DACH1: variants seen among roughly 807,000 people sequenced by gnomAD.
DACH1 encodes dachshund family transcription factor 1.
DACH1 carries 12 observed loss-of-function variants against 54.2 expected under a neutral mutation model. The ratio of observed to expected loss-of-function variants is 0.22; its 90% confidence interval spans 0.14 to 0.36. DACH1 has a LOEUF of 0.36. Among genes scored for constraint, DACH1 ranks in the 10% least tolerant of loss-of-function variants. The pLI is 1.00. For missense variants in DACH1, 805 were observed against 929.8 expected, an observed-to-expected ratio of 0.87 and a Z score of 1.75; for synonymous variants, 386 against 366.2, an observed-to-expected ratio of 1.05 and a Z score of -0.62.
At chr13:71,510,398 T>C (rs1880686407) in intron 6 of DACH1, among the ~76,000 whole-genome samples, 2 of 151,794 alleles carry the variant, frequency 1.3e-5, no homozygotes, top group East Asian at 1.9e-4. Context: ...ATAGATATCC[T>C]AAAAAAAATG....
At chr13:71,611,042 C>G (rs1875290873) in intron 3 of DACH1, among the ~76,000 whole-genome samples, 1 of 152,164 alleles carries the variant, frequency 6.6e-6, no homozygotes, top group Admixed American at 6.5e-5. Flanking sequence ...ATGCAATGAT[C>G]TCGTTGTGAA....
chr13:71,770,395 A>C (rs368738401), intron 1 of DACH1, among the ~76,000 whole-genome samples: 2 of 151,634 alleles, frequency 1.3e-5, no homozygotes, highest in Admixed American at 1.3e-4. Flanking sequence ...CACCTCTTTT[A>C]AAAATTATCC....
Position 71,545,133 on chromosome 13 carries a change from C to T in DACH1, c.1570+11891G>A, listed in dbSNP as rs139763446. Among the ~76,000 whole-genome samples, 6 of 152,142 alleles carry T rather than the reference C, an allele frequency of 3.9e-5. No individual in the cohort carries two copies. The East Asian group carries it at 9.7e-4, about 25-fold the overall frequency. ...ACAAACTTGCTTTTTTCAAGTACTA[C>T]AAACTGAATTTTTACCGATGAAGAA... On this transcript the variant is annotated intron_variant, in intron 6 of 10. Coordinates refer to ENST00000613252, the MANE Select transcript of DACH1 (RefSeq NM_080759.6).
chr13:71,599,447 T>C (rs1407124529), intron 3 of DACH1, among the ~76,000 whole-genome samples: 1 of 152,130 alleles, frequency 6.6e-6, no homozygotes, highest in Non-Finnish European at 1.5e-5. Context: ...CTTCCCTTGT[T>C]CTGAACAGAA....
intron 1 of DACH1, among the ~76,000 whole-genome samples, chr13:71,765,034 A>G (rs905224103): frequency 6.6e-6 from 1 of 152,146 alleles, no homozygotes; most frequent in Non-Finnish European, 1.5e-5. Context: ...AGTTCCATTC[A>G]TTCCAATTTC....
At chr13:71,755,764 A>C (rs1303069386) in intron 1 of DACH1, among the ~76,000 whole-genome samples, 19 of 152,206 alleles carry the variant, frequency 1.2e-4, no homozygotes, top group Admixed American at 1.2e-3. Context: ...AACTAAATCA[A>C]GTCTGTCCCT....
chr13:71,578,198 C>T (rs1396165411), intron 3 of DACH1, among the ~76,000 whole-genome samples: 4 of 152,156 alleles, frequency 2.6e-5, no homozygotes, highest in African/African-American at 7.2e-5. Flanking sequence ...AAGGGACTAA[C>T]GGTCACACCA....
intron 1 of DACH1, among the ~76,000 whole-genome samples, chr13:71,839,537 G>A (rs541500405): frequency 1.3e-5 from 2 of 152,242 alleles, no homozygotes; most frequent in South Asian, 2.1e-4. Context: ...AACTCAGGAG[G>A]TGGAGCTTGT....
chr13:71,630,422 T>C, intron 3 of DACH1, 134 bp downstream of exon 3: 13 of 1,356,900 alleles, frequency 9.6e-6, no homozygotes, highest in Non-Finnish European at 1.2e-5. Context: ...AATGGTATCC[T>C]CAAACATACA....
Position 71,794,066 on chromosome 13 carries a change from T to TAA in DACH1, c.848+71854_848+71855dup, listed in dbSNP as rs58581587. ...GTCCAATTATTATCCATTTTTTCCT[T>TAA]AAAAAAAAAGGTATAAAGTAGTTAA... On this transcript the variant is annotated intron_variant, in intron 1 of 10. Coordinates refer to ENST00000613252, the MANE Select transcript of DACH1 (RefSeq NM_080759.6). Among the ~76,000 whole-genome samples, 675 of 150,788 alleles carry TAA rather than the reference T, an allele frequency of 4.5e-3. 5 individuals are homozygous for TAA. Among genetic ancestry groups the TAA allele is most frequent in the African/African-American group, 0.015 (607 of 41,098 alleles).
chr13:71,601,153 C>T (rs544708105), intron 3 of DACH1, among the ~76,000 whole-genome samples: 1 of 152,090 alleles, frequency 6.6e-6, no homozygotes, highest in Admixed American at 6.6e-5. Context: ...TCTTTGGTGG[C>T]ATTTGTCTTC....
intron 6 of DACH1, among the ~76,000 whole-genome samples, chr13:71,491,524 A>G (rs1220885461): frequency 6.6e-6 from 1 of 152,178 alleles, no homozygotes; most frequent in Non-Finnish European, 1.5e-5. Flanking sequence ...TCCTTCATTT[A>G]TCATCTTACA....
intron 1 of DACH1, among the ~76,000 whole-genome samples, chr13:71,752,727 A>G (rs1388513776): frequency 6.6e-6 from 1 of 152,214 alleles, no homozygotes; most frequent in African/African-American, 2.4e-5. Context: ...AAACAAAAAT[A>G]ATTCATTCAA....
rs1343576965 is a variant in DACH1 at position 71,609,860 on chromosome 13, A to T, written c.1126+20696T>A. On this transcript the variant is annotated intron_variant, in intron 3 of 10. Transcript: ENST00000613252. ...ACTTTTTATCTTGATAAATATAAAA[A>T]ATTTTATTATTAAAAACCCATTCTG... Among the ~76,000 whole-genome samples the T allele has an allele frequency of 1.9e-4, 29 of 152,254 alleles. No individual in the cohort carries two copies. In the East Asian group the frequency reaches 5.4e-3, roughly 28 times the overall value.
intron 6 of DACH1, among the ~76,000 whole-genome samples, chr13:71,494,977 TA>T (rs1879284194): frequency 6.6e-6 from 1 of 152,082 alleles, no homozygotes. Flanking sequence ...CCTCTACTTT[TA>T]AAATGTTTTC....
intron 1 of DACH1, among the ~76,000 whole-genome samples, chr13:71,688,087 A>G (rs916971961): frequency 6.6e-6 from 1 of 152,226 alleles, no homozygotes; most frequent in Non-Finnish European, 1.5e-5. Flanking sequence ...TTTGAGTTCT[A>G]AAATATCTGC....
chr13:71,633,621 C>CAT (rs398070341), intron 2 of DACH1, among the ~76,000 whole-genome samples: 1 of 152,010 alleles, frequency 6.6e-6, no homozygotes, highest in African/African-American at 2.4e-5. Context: ...CACACACACA[C>CAT]TCATACACTT....
At chr13:71,816,374 A>G (rs9318033) in intron 1 of DACH1, among the ~76,000 whole-genome samples, 101,070 of 151,432 alleles carry the variant, frequency 0.67, 34,117 homozygotes, top group East Asian at 0.88. Flanking sequence ...GAAAAATAAA[A>G]GAGAAGATAT....
intron 6 of DACH1, among the ~76,000 whole-genome samples, chr13:71,489,532 T>C (rs1039937648): frequency 6.6e-6 from 1 of 152,118 alleles, no homozygotes; most frequent in Non-Finnish European, 1.5e-5. Context: ...TAGAGCTCCA[T>C]ATAAGAGAGG....
Sources: allele counts gnomAD v4.1 joint callset (sites outside exome capture counted in the v4.1 genomes callset), GRCh38; gene constraint gnomAD v4.1.1; transcripts MANE v1.5; gene names NCBI Gene and HGNC (gene_info 2026-07-23, HGNC 2026-07-21).